Variants in CSMD3 observed in about 807,000 individuals in gnomAD.
The protein encoded by CSMD3 is CUB and sushi domain-containing protein 3.
Under a neutral mutation model 435.2 loss-of-function variants are expected in CSMD3, and 177 were observed. That is an observed-to-expected ratio of 0.41 (90% CI 0.36 to 0.46). CSMD3 has a LOEUF of 0.46. Among genes scored for constraint, CSMD3 ranks in the 20% least tolerant of loss-of-function variants. CSMD3 has a pLI of 0.34. For synonymous variants in CSMD3, 1,656 were observed against 1,520.5 expected, an observed-to-expected ratio of 1.09 and a Z score of -2.07; for missense variants, 4,265 against 4,504.6, an observed-to-expected ratio of 0.95 and a Z score of 1.52.
intron 4 of CSMD3, among the ~76,000 whole-genome samples, chr8:113,131,334 G>C (rs905241667): frequency 2.0e-5 from 3 of 152,076 alleles, no homozygotes; most frequent in African/African-American, 7.2e-5. Context: ...GGCTGTTTGA[G>C]CAAGGCCCGG....
chr8:112,450,726 T>C (rs12115151), intron 32 of CSMD3, among the ~76,000 whole-genome samples: 67,621 of 151,970 alleles, frequency 0.44, 15,628 homozygotes, highest in Middle Eastern at 0.6. Flanking sequence ...TGCCCTTCAG[T>C]TTCTATCTAA....
chr8:113,192,076 AT>A (rs1207884113), intron 3 of CSMD3, among the ~76,000 whole-genome samples: 1 of 151,580 alleles, frequency 6.6e-6, no homozygotes, highest in Non-Finnish European at 1.5e-5. Context: ...TCTTTTGCCT[AT>A]TTTAATTGGA....
In CSMD3 at chr8:113,251,852, T is replaced by C. The variant is rs539282561; in HGVS notation, c.514+26740A>G. Among the ~76,000 whole-genome samples the C allele has an allele frequency of 3.3e-5, 5 of 152,158 alleles. No homozygotes were observed. In the South Asian group the frequency reaches 6.2e-4, roughly 19 times the overall value. On this transcript the variant is annotated intron_variant, in intron 3 of 70. Coordinates refer to ENST00000297405, the MANE Select transcript of CSMD3 (RefSeq NM_198123.2). Reference sequence around the variant, plus strand: ...TTCACTTGACAGAGTTTTTATGTTTTTATACAAAAATTAAAAAGTAAATTG... The same window carrying C: ...TTCACTTGACAGAGTTTTTATGTTTCTATACAAAAATTAAAAAGTAAATTG...
intron 55 of CSMD3, 143 bp downstream of exon 55, chr8:112,292,394 T>C: frequency 7.6e-6 from 5 of 661,688 alleles, no homozygotes; most frequent in Non-Finnish European, 1.3e-5. Context: ...GCATTGTTAA[T>C]GAGATGACAT....
rs910203780 is a variant in CSMD3, at chr8:112,550,730, G to T, written c.4505C>A (p.Thr1502Asn). ...EGIHSTLNIV[T>N]IQFDTDFYIS... is the part of the protein sequence containing the mutation. ...ATAAAAATCCGTGTCAAACTGGATGGTTACTATATTGAGGGTGCTATGAAT... is the reference window on the plus strand; with the variant it reads ...ATAAAAATCCGTGTCAAACTGGATGTTTACTATATTGAGGGTGCTATGAAT... The change falls in exon 27 of 71, where the codon ACC becomes AAC. Residue 1502 changes from threonine to asparagine, a missense_variant. Transcript: ENST00000297405. The T allele has an allele frequency of 9.3e-6, 15 of 1,606,496 alleles. No individual in the cohort carries two copies. The highest frequency in any genetic ancestry group is 1.3e-5 in the Non-Finnish European group (15 of 1,173,424).
At chr8:112,332,668 G>C (rs1824179108) in intron 45 of CSMD3, among the ~76,000 whole-genome samples, 1 of 152,106 alleles carries the variant, frequency 6.6e-6, no homozygotes, top group Admixed American at 6.6e-5. Flanking sequence ...AATTTGGGTA[G>C]AATCTCCATA....
chr8:112,551,921 T>C (rs934113155), intron 26 of CSMD3, among the ~76,000 whole-genome samples: 5 of 152,126 alleles, frequency 3.3e-5, no homozygotes, highest in African/African-American at 1.2e-4. Flanking sequence ...TAGCCAAAGC[T>C]GCATAGTAAG....
rs150245218 is a variant in CSMD3, at chr8:112,452,348, T to C, written c.5395+20243A>G. On this transcript the variant is annotated intron_variant, in intron 32 of 70. Transcript: ENST00000297405. ...GTCCTGAAAATATGAGGATCCCTAATTGAATAATAAAATAATTGATGTAAA... is the reference window on the plus strand; with the variant it reads ...GTCCTGAAAATATGAGGATCCCTAACTGAATAATAAAATAATTGATGTAAA... Among the ~76,000 whole-genome samples, 214 of 152,290 alleles carry C rather than the reference T, an allele frequency of 1.4e-3. 2 individuals carry two copies. The highest frequency in any genetic ancestry group is 2.3e-3 in the East Asian group (12 of 5,178).
chr8:112,229,826 T>A (rs1812921015), intron 69 of CSMD3, among the ~76,000 whole-genome samples: 1 of 150,428 alleles, frequency 6.6e-6, no homozygotes, highest in Non-Finnish European at 1.5e-5. Flanking sequence ...GGTAGTAGGA[T>A]GGACTTCAGG....
intron 5 of CSMD3, among the ~76,000 whole-genome samples, chr8:113,046,189 T>TC (rs1316208408): frequency 6.7e-6 from 1 of 148,764 alleles, no homozygotes; most frequent in East Asian, 1.9e-4. Flanking sequence ...ACTGTCTCAG[T>TC]CAGGCTGACG....
At chr8:112,251,243 G>A (rs1029046421) in intron 63 of CSMD3, among the ~76,000 whole-genome samples, 31 of 151,474 alleles carry the variant, frequency 2.0e-4, no homozygotes, top group Non-Finnish European at 5.9e-5. Context: ...ATAAATTTAC[G>A]TTTTTCATTA....
chr8:112,255,920 C>T (rs779691754), intron 61 of CSMD3: 1 of 153,156 alleles, frequency 6.5e-6, no homozygotes, highest in East Asian at 1.9e-4. Context: ...ACTCGAAGCA[C>T]ATATCCCAGA....
chr8:113,278,301 T>A (rs1392165295), intron 3 of CSMD3, among the ~76,000 whole-genome samples: 1 of 151,824 alleles, frequency 6.6e-6, no homozygotes, highest in Non-Finnish European at 1.5e-5. Context: ...GTAGGGTCTG[T>A]GATGCCTGAC....
At chr8:113,338,271 T>C (rs2094092110) in intron 1 of CSMD3, among the ~76,000 whole-genome samples, 1 of 151,862 alleles carries the variant, frequency 6.6e-6, no homozygotes, top group Admixed American at 6.6e-5. Context: ...AAAGATATGA[T>C]AGAATGAGAA....
At chr8:113,084,842 G>A (rs1448500547) in intron 5 of CSMD3, among the ~76,000 whole-genome samples, 11 of 151,854 alleles carry the variant, frequency 7.2e-5, no homozygotes, top group African/African-American at 2.4e-4. Context: ...TGACAAAGAT[G>A]TCAAAAACAT....
chr8:112,702,733 G>T (rs72678464), intron 13 of CSMD3, among the ~76,000 whole-genome samples: 3,332 of 152,056 alleles, frequency 0.022, 60 homozygotes, highest in Non-Finnish European at 0.032. Context: ...GTCAGGAGGG[G>T]CGTGAAGTAG....
intron 5 of CSMD3, among the ~76,000 whole-genome samples, chr8:113,062,051 C>A (rs990147358): frequency 6.6e-6 from 1 of 151,638 alleles, no homozygotes; most frequent in Admixed American, 6.6e-5. Context: ...ATTGTTAATT[C>A]TATTACTTTT....
intron 9 of CSMD3, among the ~76,000 whole-genome samples, chr8:112,928,710 C>G (rs1357651685): frequency 6.7e-6 from 1 of 149,620 alleles, no homozygotes; most frequent in African/African-American, 2.5e-5. Flanking sequence ...GGGTTGGTTC[C>G]AAGTCTTTGC....
Position 112,947,890 on chromosome 8 carries a change from GGAAAAAA to G in CSMD3, c.1421-20_1421-14del. 1.6e-6 allele frequency: 2 copies of G among 1,224,190 alleles called. No individual in the cohort carries two copies. The highest frequency in any genetic ancestry group is 2.4e-6 in the Non-Finnish European group (2 of 832,424). The allele number at this position is 1,224,190 out of a possible 1,614,324, so 75.8% of individuals were successfully genotyped here. On this transcript the variant is annotated splice_polypyrimidine_tract_variant and intron_variant, in intron 8 of 70. Transcript: ENST00000297405. ...CCTCCCTCATTTACTGCAACAGCAG[GGAAAAAA>G]GAAAAAAGAAACAAAATATATGTGA... is the stretch of plus-strand genomic sequence containing the variant.
Sources: allele counts gnomAD v4.1 joint callset (sites outside exome capture counted in the v4.1 genomes callset), GRCh38; gene constraint gnomAD v4.1.1; transcripts MANE v1.5; gene names NCBI Gene and HGNC (gene_info 2026-07-23, HGNC 2026-07-21).